Variants in PCDHA4 observed in about 807,000 individuals in gnomAD.
The protein encoded by PCDHA4 is protocadherin alpha-4.
Under a neutral mutation model 61.4 loss-of-function variants are expected in PCDHA4, and 49 were observed. That is an observed-to-expected ratio of 0.80 (90% confidence interval 0.63 to 1.01). PCDHA4 has a LOEUF of 1.01. Among genes scored for constraint, PCDHA4 ranks in the 50% least tolerant of loss-of-function variants. The pLI is 0.00. For synonymous variants in PCDHA4, 590 were observed against 550.3 expected (o/e 1.07, Z -1.01); for missense variants, 1,254 against 1,235.8 (o/e 1.01, Z -0.22).
chr5:140,850,792 A>C (rs1280178447), intron 1 of PCDHA4: 1 of 1,598,354 alleles, frequency 6.3e-7, no homozygotes, highest in African/African-American at 1.3e-5. Flanking sequence ...GGTAAGCAGA[A>C]GACCGACCTC....
At chr5:140,882,016 A>C (rs1403488174) in intron 1 of PCDHA4, 1 of 543,846 alleles carries the variant, frequency 1.8e-6, no homozygotes, top group Non-Finnish European at 3.0e-6. Flanking sequence ...AAAAAATACT[A>C]CATCAATGGA....
intron 1 of PCDHA4, chr5:140,829,475 G>A: frequency 4.3e-6 from 7 of 1,613,854 alleles, no homozygotes; most frequent in Non-Finnish European, 5.9e-6. Context: ...CGAGTACACA[G>A]TGTTCGTGAA....
At chr5:140,926,584 C>T in intron 1 of PCDHA4, 1 of 285,400 alleles carries the variant, frequency 3.5e-6, no homozygotes, top group Non-Finnish European at 6.4e-6. Context: ...GCACCTCTCG[C>T]GCCCGGGCGG....
intron 1 of PCDHA4, among the ~76,000 whole-genome samples, chr5:140,937,785 G>A (rs962276976): frequency 7.3e-5 from 11 of 150,436 alleles, no homozygotes; most frequent in Non-Finnish European, 1.3e-4. Flanking sequence ...GGTGGCGGGC[G>A]TATGTAGTCC....
intron 1 of PCDHA4, chr5:140,823,845 T>G: frequency 6.2e-7 from 1 of 1,613,850 alleles, no homozygotes; most frequent in Non-Finnish European, 8.5e-7. Context: ...GTCCCGAGGC[T>G]GCCCTGGTGG....
chr5:140,848,691 T>A (rs1554142358), intron 1 of PCDHA4: 1 of 1,591,900 alleles, frequency 6.3e-7, no homozygotes, highest in Non-Finnish European at 8.6e-7. Flanking sequence ...CCTGTTCCAG[T>A]TGGATTCCAA....
intron 1 of PCDHA4, among the ~76,000 whole-genome samples, chr5:140,974,407 A>T (rs1441174003): frequency 6.6e-6 from 1 of 152,244 alleles, no homozygotes; most frequent in African/African-American, 2.4e-5. Flanking sequence ...TTCTAAAGTT[A>T]TGTTTATTTT....
chr5:140,884,176 T>G, intron 1 of PCDHA4: 1 of 1,613,372 alleles, frequency 6.2e-7, no homozygotes, highest in Non-Finnish European at 8.5e-7. Flanking sequence ...CGACGCGCCC[T>G]CTGGACGAGG....
intron 1 of PCDHA4, among the ~76,000 whole-genome samples, chr5:140,891,916 G>T (rs1336108155): frequency 6.6e-6 from 1 of 152,170 alleles, no homozygotes; most frequent in Non-Finnish European, 1.5e-5. Context: ...ACCAGATGCT[G>T]GTGCCTTGAT....
intron 1 of PCDHA4, chr5:140,869,187 C>G (rs782446170): frequency 2.5e-6 from 4 of 1,613,830 alleles, no homozygotes; most frequent in African/African-American, 1.3e-5. Flanking sequence ...AGGTGGGGAG[C>G]GGCCAGCTCC....
chr5:140,835,749 G>A, intron 1 of PCDHA4: 1 of 1,613,432 alleles, frequency 6.2e-7, no homozygotes, highest in Non-Finnish European at 8.5e-7. Context: ...CCCGGCGTTC[G>A]CGCAGCCCGA....
chr5:140,849,665 G>T (rs1255665975), intron 1 of PCDHA4: 1 of 1,598,534 alleles, frequency 6.3e-7, no homozygotes, highest in East Asian at 2.2e-5. Flanking sequence ...GCTCCCTGAC[G>T]CCCCACGTCC....
intron 1 of PCDHA4, chr5:140,855,937 A>G: frequency 7.7e-7 from 1 of 1,306,456 alleles, no homozygotes; most frequent in Non-Finnish European, 1.1e-6. Flanking sequence ...TCATTCTGAG[A>G]TCTCAGCCAT....
intron 1 of PCDHA4, chr5:140,829,598 G>T (rs2150170888): frequency 3.7e-6 from 6 of 1,611,956 alleles, no homozygotes; most frequent in East Asian, 2.2e-5. Context: ...GGGCGAGCGC[G>T]CGTTGTCGAG....
At chr5:140,918,237 T>C (rs2078587640) in intron 1 of PCDHA4, among the ~76,000 whole-genome samples, 2 of 152,240 alleles carry the variant, frequency 1.3e-5, no homozygotes, top group Admixed American at 1.3e-4. Context: ...TGTACATTGA[T>C]TTTGTATGCT....
intron 1 of PCDHA4, chr5:140,829,111 T>A: frequency 6.2e-7 from 1 of 1,612,018 alleles, no homozygotes; most frequent in Non-Finnish European, 8.5e-7. Flanking sequence ...TAGTGAGAAT[T>A]TTGGATAAAA....
At chr5:140,883,551 G>C (rs375469569) in intron 1 of PCDHA4, 16 of 1,614,234 alleles carry the variant, frequency 9.9e-6, no homozygotes, top group Middle Eastern at 1.7e-4. Flanking sequence ...GTGACCGCGC[G>C]GGACGGGGGC....
At chr5:140,883,455 A>T in intron 1 of PCDHA4, 1 of 1,614,128 alleles carries the variant, frequency 6.2e-7, no homozygotes, top group East Asian at 2.2e-5. Flanking sequence ...GTCCCCTTCA[A>T]GCTGGTGTCC....
chr5:140,948,281 T>C (rs1375756050), intron 1 of PCDHA4, among the ~76,000 whole-genome samples: 1 of 151,620 alleles, frequency 6.6e-6, no homozygotes, highest in Non-Finnish European at 1.5e-5. Context: ...TATCTGTAAA[T>C]AATTTTGTAA....
Sources: allele counts gnomAD v4.1 joint callset (sites outside exome capture counted in the v4.1 genomes callset), GRCh38; gene constraint gnomAD v4.1.1; transcripts MANE v1.5; gene names NCBI Gene and HGNC (gene_info 2026-07-23, HGNC 2026-07-21).